FOXO1: variants seen among roughly 807,000 people sequenced by gnomAD.
FOXO1 encodes forkhead box O1.
Under a neutral mutation model 44.1 loss-of-function variants are expected in FOXO1, and 6 were observed. That is an observed-to-expected ratio of 0.14 (90% CI 0.07 to 0.27). The LOEUF is 0.27. Among genes scored for constraint, FOXO1 ranks in the 10% least tolerant of loss-of-function variants. The pLI, the probability that FOXO1 is intolerant of heterozygous loss-of-function variation, is 1.00. For synonymous variants in FOXO1, 380 were observed against 362.7 expected (o/e 1.05, Z -0.54); for missense variants, 737 against 888.8 (o/e 0.83, Z 2.17).
At chr13:40,658,007 T>C (rs1877910986) in intron 1 of FOXO1, among the ~76,000 whole-genome samples, 1 of 152,186 alleles carries the variant, frequency 6.6e-6, no homozygotes, top group African/African-American at 2.4e-5. Context: ...ACAACATATT[T>C]ACAATGTAAC....
chr13:40,604,697 C>T (rs796826339), intron 1 of FOXO1, among the ~76,000 whole-genome samples: 4 of 152,200 alleles, frequency 2.6e-5, no homozygotes, highest in African/African-American at 4.8e-5. Flanking sequence ...CCAGACAACT[C>T]TATATTTTTT....
At chr13:40,594,254 A>G (rs912260652) in intron 1 of FOXO1, among the ~76,000 whole-genome samples, 14 of 152,184 alleles carry the variant, frequency 9.2e-5, no homozygotes, top group South Asian at 2.1e-4. Context: ...GCTCTTCTGG[A>G]GTTTAAGGGG....
chr13:40,580,463 G>T (rs1291210996), intron 1 of FOXO1, among the ~76,000 whole-genome samples: 1 of 152,170 alleles, frequency 6.6e-6, no homozygotes, highest in Non-Finnish European at 1.5e-5. Context: ...CTTAGCAAAT[G>T]TGAGACCTTG....
chr13:40,614,983 C>T (rs1593400945), intron 1 of FOXO1, among the ~76,000 whole-genome samples: 1 of 152,196 alleles, frequency 6.6e-6, no homozygotes, highest in East Asian at 1.9e-4. Flanking sequence ...GAAGACATGG[C>T]ATAGGTGGGT....
intron 1 of FOXO1, among the ~76,000 whole-genome samples, chr13:40,582,269 T>C (rs1874985772): frequency 6.6e-6 from 1 of 152,256 alleles, no homozygotes; most frequent in Admixed American, 6.5e-5. Flanking sequence ...ATTGTTAAAA[T>C]ATGCTAATAA....
At chr13:40,575,059 T>A (rs565043704) in intron 1 of FOXO1, among the ~76,000 whole-genome samples, 7 of 152,184 alleles carry the variant, frequency 4.6e-5, no homozygotes, top group African/African-American at 1.7e-4. Context: ...GGGCCAGGCA[T>A]GTTGGCTCAC....
rs1401673113 is a variant in FOXO1 at position 40,557,397 on chromosome 13, G to A, written c.*1652C>T. On this transcript the variant is annotated 3_prime_UTR_variant, in exon 3 of 3. Coordinates refer to ENST00000379561, the MANE Select transcript of FOXO1 (RefSeq NM_002015.4). ...GGAATTACAGTTTAGGTTGCTACAG[G>A]CTAAAGAAATTTTCAAATTCTTAAG... is the stretch of plus-strand genomic sequence containing the variant. 1 of 152,194 alleles carries A rather than the reference G, an allele frequency of 6.6e-6. No individual in the cohort carries two copies. The highest frequency in any genetic ancestry group is 1.5e-5 in the Non-Finnish European group (1 of 68,044). 9.4% of individuals were successfully genotyped at this position (152,194 alleles called of 1,614,324 possible).
chr13:40,569,625 C>T (rs1874404708), intron 1 of FOXO1, among the ~76,000 whole-genome samples: 1 of 152,168 alleles, frequency 6.6e-6, no homozygotes, highest in Non-Finnish European at 1.5e-5. Flanking sequence ...TGTTTTCTCC[C>T]TGTTAAGAAA....
chr13:40,632,444 C>T (rs1212540880), intron 1 of FOXO1, among the ~76,000 whole-genome samples: 1 of 152,076 alleles, frequency 6.6e-6, no homozygotes, highest in African/African-American at 2.4e-5. Flanking sequence ...TCGAGACCAG[C>T]CTGGACAACA....
intron 1 of FOXO1, among the ~76,000 whole-genome samples, chr13:40,626,047 G>A (rs1876776504): frequency 6.6e-6 from 1 of 151,996 alleles, no homozygotes; most frequent in Non-Finnish European, 1.5e-5. Flanking sequence ...TGAACTCCTG[G>A]ATCAAGCCAA....
chr13:40,606,543 C>T (rs1201961507), intron 1 of FOXO1, among the ~76,000 whole-genome samples: 1 of 152,174 alleles, frequency 6.6e-6, no homozygotes, highest in Non-Finnish European at 1.5e-5. Flanking sequence ...AAACTCCTGA[C>T]CTCAAGTGAT....
intron 1 of FOXO1, among the ~76,000 whole-genome samples, chr13:40,654,011 A>G (rs984634059): frequency 2.0e-4 from 31 of 152,192 alleles, no homozygotes; most frequent in Admixed American, 2.0e-3. Flanking sequence ...GAAACAAAAA[A>G]GAACAAAAGC....
intron 2 of FOXO1, 150 bp downstream of exon 2, chr13:40,559,359 C>A (rs568695333): frequency 1.5e-6 from 1 of 678,908 alleles, no homozygotes; most frequent in Non-Finnish European, 2.3e-6. Flanking sequence ...CTGTAAGCTG[C>A]AAAAAGGACA....
At chr13:40,594,678 T>C (rs961146301) in intron 1 of FOXO1, among the ~76,000 whole-genome samples, 1 of 152,160 alleles carries the variant, frequency 6.6e-6, no homozygotes, top group African/African-American at 2.4e-5. Flanking sequence ...CTCTCCTCCA[T>C]GCCATCTACA....
chr13:40,657,726 A>G (rs1017941590), intron 1 of FOXO1, among the ~76,000 whole-genome samples: 1 of 152,232 alleles, frequency 6.6e-6, no homozygotes, highest in Admixed American at 6.5e-5. Context: ...TATCATAGTT[A>G]CTTACACATT....
chr13:40,659,852 A>G (rs1240823923), intron 1 of FOXO1, among the ~76,000 whole-genome samples: 1 of 152,180 alleles, frequency 6.6e-6, no homozygotes, highest in Non-Finnish European at 1.5e-5. Flanking sequence ...TGAACCATAT[A>G]AAATAGCCAA....
intron 1 of FOXO1, among the ~76,000 whole-genome samples, chr13:40,613,249 A>G (rs1238057376): frequency 6.6e-6 from 1 of 152,172 alleles, no homozygotes; most frequent in Non-Finnish European, 1.5e-5. Context: ...CTGTAAGAAC[A>G]GCTATAAGTA....
chr13:40,660,035 T>C (rs1048149230), intron 1 of FOXO1, among the ~76,000 whole-genome samples: 3 of 152,202 alleles, frequency 2.0e-5, no homozygotes, highest in Non-Finnish European at 4.4e-5. Flanking sequence ...ACACAGCATA[T>C]CCCTTAGGCA....
chr13:40,635,168 CAAAG>C (rs1480092030), intron 1 of FOXO1, among the ~76,000 whole-genome samples: 3 of 151,430 alleles, frequency 2.0e-5, no homozygotes, highest in African/African-American at 7.3e-5. Flanking sequence ...AGATATCAGA[CAAAG>C]AAATCGTAAT....
Sources: allele counts gnomAD v4.1 joint callset (sites outside exome capture counted in the v4.1 genomes callset), GRCh38; gene constraint gnomAD v4.1.1; transcripts MANE v1.5; gene names NCBI Gene and HGNC (gene_info 2026-07-23, HGNC 2026-07-21).